The following DTNA variants were observed in gnomAD, a reference collection of about 807,000 sequenced individuals.
DTNA encodes dystrophin-related protein 3.
A neutral mutation model predicts 100.7 loss-of-function variants in DTNA; 43 were observed. The ratio of observed to expected loss-of-function variants is 0.43; its 90% CI spans 0.33 to 0.55. DTNA has a LOEUF of 0.55. Ranked by LOEUF, DTNA falls within the 20% of genes least tolerant of loss-of-function variation. DTNA has a pLI of 0.04. For missense variants in DTNA, 798 were observed against 953.9 expected (o/e 0.84, Z 2.15); for synonymous variants, 349 against 347.9 (o/e 1.00, Z -0.04).
intron 1 of DTNA, among the ~76,000 whole-genome samples, chr18:34,713,534 A>G (rs1305408256): frequency 6.6e-6 from 1 of 151,834 alleles, no homozygotes; most frequent in East Asian, 1.9e-4. Context: ...TGGTTACTGT[A>G]GCCTTGTAGT....
chr18:34,829,519 G>A (rs745592654), intron 11 of DTNA, 30 bp downstream of exon 11: 10 of 1,488,448 alleles, frequency 6.7e-6, no homozygotes, highest in East Asian at 2.5e-5. Flanking sequence ...ATTGCTAATC[G>A]TAGTAGTAGT....
At position 34,794,043 on chromosome 18, in the gene DTNA, T is replaced by G; in HGVS notation, c.155T>G (p.Leu52Arg). 1 of 1,613,956 alleles carries G rather than the reference T, an allele frequency of 6.2e-7. No homozygotes were observed. The highest frequency in any genetic ancestry group is 2.2e-5 in the East Asian group (1 of 44,848). The change falls in exon 4 of 23, where the codon CTG becomes CGG. Residue 52 changes from leucine (L) to arginine (R), a missense_variant. By Grantham distance (102) the Leu-to-Arg change is moderately radical (BLOSUM62 -2). This residue lies in a region of DTNA where 197 missense variants were observed against 215.4 expected (regional missense o/e 0.91). Coordinates refer to ENST00000444659, the MANE Select transcript of DTNA (RefSeq NM_001386795.1). ...AACTCTGCTTTAATTGTAGTGCACC[T>G]GGTGGACATATGGAATGTCATAGAA... The part of the protein sequence containing the change: ...RFVQKKCNLH[L>R]VDIWNVIEAL...
chr18:34,686,751 ATGAATCCGTCTAGTCC>A (rs2078960140), intron 1 of DTNA, among the ~76,000 whole-genome samples: 1 of 152,082 alleles, frequency 6.6e-6, no homozygotes, highest in South Asian at 2.1e-4. Context: ...GAATTTGGCT[ATGAATCCGTCTAGTCC>A]TGGGTTTCTG....
At chr18:34,853,740 A>G (rs539497455) in intron 15 of DTNA, among the ~76,000 whole-genome samples, 156 of 152,298 alleles carry the variant, frequency 1.0e-3, no homozygotes, top group African/African-American at 3.7e-3. Context: ...AGAATTAAGA[A>G]GGGAAAGAGC....
At chr18:34,847,418 A>G (rs1288492008) in intron 13 of DTNA, among the ~76,000 whole-genome samples, 1 of 152,360 alleles carries the variant, frequency 6.6e-6, no homozygotes, top group East Asian at 1.9e-4. Flanking sequence ...CTTATGCTGC[A>G]TAACAAATTA....
intron 1 of DTNA, among the ~76,000 whole-genome samples, chr18:34,753,478 G>A (rs994703646): frequency 7.1e-6 from 1 of 141,740 alleles, no homozygotes; most frequent in African/African-American, 2.8e-5. Context: ...CGCCTCCCGG[G>A]TTCACGCCAT....
At chr18:34,757,910 A>C (rs1228303686) in intron 2 of DTNA, among the ~76,000 whole-genome samples, 1 of 152,216 alleles carries the variant, frequency 6.6e-6, no homozygotes, top group Non-Finnish European at 1.5e-5. Context: ...TCCAACTCAA[A>C]TGTTGGCAAA....
At chr18:34,569,568 A>T (rs2047390749) in intron 1 of DTNA, among the ~76,000 whole-genome samples, 1 of 152,214 alleles carries the variant, frequency 6.6e-6, no homozygotes, top group Admixed American at 6.5e-5. Context: ...ATTAGTCAGG[A>T]TTCTACAGAG....
intron 1 of DTNA, chr18:34,558,151 C>T (rs1317372058): frequency 1.3e-5 from 2 of 153,066 alleles, no homozygotes; most frequent in African/African-American, 4.8e-5. Context: ...TCTGTCACCC[C>T]TTTCTTTGAC....
At chr18:34,852,609 A>C (rs2096495011) in intron 15 of DTNA, among the ~76,000 whole-genome samples, 1 of 151,990 alleles carries the variant, frequency 6.6e-6, no homozygotes, top group Admixed American at 6.6e-5. Context: ...TCTTACCATC[A>C]CCTGCAAGGT....
At chr18:34,507,578 C>T (rs2040614334) in intron 1 of DTNA, among the ~76,000 whole-genome samples, 1 of 152,094 alleles carries the variant, frequency 6.6e-6, no homozygotes, top group Admixed American at 6.6e-5. Context: ...TGGAGGAGAT[C>T]ACAAAGGACA....
intron 1 of DTNA, among the ~76,000 whole-genome samples, chr18:34,526,729 T>C (rs750604238): frequency 1.3e-5 from 2 of 152,150 alleles, no homozygotes; most frequent in Non-Finnish European, 2.9e-5. Flanking sequence ...AAGTTGACCC[T>C]TCTATTGTTT....
chr18:34,619,123 G>A (rs184019371), intron 1 of DTNA, among the ~76,000 whole-genome samples: 1 of 152,290 alleles, frequency 6.6e-6, no homozygotes, highest in East Asian at 1.9e-4. Context: ...AAAAGGTATT[G>A]GAGGGGCAAG....
chr18:34,674,013 C>T (rs2077096497), intron 1 of DTNA, among the ~76,000 whole-genome samples: 1 of 152,198 alleles, frequency 6.6e-6, no homozygotes, highest in Non-Finnish European at 1.5e-5. Flanking sequence ...CATGTTTCTG[C>T]AATCACTGGG....
chr18:34,890,155 C>A lies in DTNA; in HGVS notation c.*2421C>A. ...AAGATTTGAACTGTTCTGCTGATAA[C>A]CTTCCCCGTTGTCATAGCTATTTCA... is the stretch of plus-strand genomic sequence containing the variant. On this transcript the variant is annotated 3_prime_UTR_variant, in exon 23 of 23. Transcript: ENST00000444659. The A allele has an allele frequency of 7.0e-7, 1 of 1,435,574 alleles. No individual in the cohort carries two copies. 88.9% of individuals were successfully genotyped at this position (1,435,574 alleles called of 1,614,324 possible).
intron 9 of DTNA, among the ~76,000 whole-genome samples, chr18:34,821,791 G>T (rs1421639312): frequency 6.6e-6 from 1 of 152,186 alleles, no homozygotes; most frequent in African/African-American, 2.4e-5. Context: ...TTGACATCAA[G>T]AGGTGGGTGA....
At chr18:34,854,844 G>A (rs1056398267) in intron 15 of DTNA, among the ~76,000 whole-genome samples, 2 of 152,094 alleles carry the variant, frequency 1.3e-5, no homozygotes, top group Non-Finnish European at 2.9e-5. Context: ...GTGAGAATAA[G>A]GACAACTTTA....
intron 1 of DTNA, among the ~76,000 whole-genome samples, chr18:34,724,593 C>A (rs541123007): frequency 6.6e-6 from 1 of 152,138 alleles, no homozygotes; most frequent in Non-Finnish European, 1.5e-5. Flanking sequence ...TATCACATGG[C>A]AAGAGAGGGG....
intron 1 of DTNA, among the ~76,000 whole-genome samples, chr18:34,622,723 C>A (rs2147901133): frequency 6.6e-6 from 1 of 152,284 alleles, no homozygotes; most frequent in East Asian, 1.9e-4. Context: ...GGCTCCCTAG[C>A]TTTTAGACTT....
Sources: gnomAD v4.1 joint callset for allele counts (sites outside exome capture counted in the v4.1 genomes callset) on GRCh38, gnomAD v4.1.1 for gene constraint, gnomAD v4.1.1 regional missense constraint, MANE v1.5 for transcripts, NCBI Gene and HGNC (gene_info 2026-07-23, HGNC 2026-07-21) for gene names.